Variants in ADTRP observed in about 807,000 individuals in gnomAD.
ADTRP encodes the protein androgen dependent TFPI regulating protein, also known as androgen-dependent TFPI-regulating protein.
ADTRP carries 20 observed loss-of-function variants against 27.0 expected under a neutral mutation model. The observed-to-expected ratio is 0.74, with a 90% confidence interval of 0.52 to 1.08. The LOEUF (loss-of-function observed/expected upper bound fraction) is 1.08, where lower values mean the gene tolerates loss of function less well. Ranked by LOEUF, ADTRP falls within the 50% of genes least tolerant of loss-of-function variation. The pLI is 0.00. For synonymous variants in ADTRP, 101 were observed against 105.2 expected, an observed-to-expected ratio of 0.96 and a Z score of 0.25; for missense variants, 251 against 275.0, an observed-to-expected ratio of 0.91 and a Z score of 0.62.
At chr6:11,714,678 G>A (rs1042698138) in intron 5 of ADTRP, among the ~76,000 whole-genome samples, 166 bp from the exon 6 acceptor site, 3 of 152,128 alleles carry the variant, frequency 2.0e-5, no homozygotes, top group African/African-American at 2.4e-5. Flanking sequence ...CAGCTGCCAC[G>A]ATGACAGGGG....
Position 11,714,301 on chromosome 6 carries a change from C to G in ADTRP, c.*177G>C, listed in dbSNP as rs1761739213. On this transcript the variant is annotated 3_prime_UTR_variant, in exon 6 of 6. Transcript: ENST00000414691. ...ATGTGCAGTCAACCTTTCAAAAAAC[C>G]AAGAGTTCTCAAGTTAAGCTACCTT... 1 of 669,930 alleles carries G rather than the reference C, an allele frequency of 1.5e-6. No individual in the cohort carries two copies. The highest frequency in any genetic ancestry group is 2.5e-6 in the Non-Finnish European group (1 of 404,730). 41.5% of individuals were successfully genotyped at this position (669,930 alleles called of 1,614,324 possible). A position where few individuals can be genotyped will look rare whatever the true frequency, so the allele number is the denominator to read the frequency against.
chr6:11,717,101 C>T (rs1013260785), intron 5 of ADTRP: 26 of 483,612 alleles, frequency 5.4e-5, no homozygotes, highest in African/African-American at 5.1e-4. Flanking sequence ...ATATCTTACC[C>T]AAACCAAATT....
Position 11,759,862 on chromosome 6 carries a change from C to A in ADTRP, c.390+6412G>T, listed in dbSNP as rs75013316. ...GGAGGTGGGAATGGCAGAGGCAGAA[C>A]AAAAGGTGATGTGAAGATGGTGGAA... On this transcript the variant is annotated intron_variant, in intron 3 of 5. Coordinates refer to ENST00000414691, the MANE Select transcript of ADTRP (RefSeq NM_032744.4). Among the ~76,000 whole-genome samples, 297 of 152,146 alleles carry A rather than the reference C, an allele frequency of 2.0e-3. 2 individuals carry two copies. The East Asian group carries it at 0.036, about 18-fold the overall frequency.
chr6:11,754,864 A>T (rs769932968), intron 3 of ADTRP, among the ~76,000 whole-genome samples: 3 of 152,198 alleles, frequency 2.0e-5, no homozygotes. Context: ...GAGGAGTGTC[A>T]GTACTAACCT....
chr6:11,735,755 TC>T (rs1415803907), intron 3 of ADTRP, 72 bp from the exon 4 acceptor site: 2 of 1,015,496 alleles, frequency 2.0e-6, no homozygotes, highest in Non-Finnish European at 1.5e-6. Flanking sequence ...AATTCTCTGT[TC>T]CCCTTCCAGT....
intron 4 of ADTRP, among the ~76,000 whole-genome samples, chr6:11,725,899 C>CAAAAAAAAAAAAAAAAAA (rs59048593): frequency 1.1e-5 from 1 of 89,934 alleles, no homozygotes; most frequent in African/African-American, 4.2e-5. Context: ...GACTCTATCT[C>CAAAAAAAAAAAAAAAAAA]AAAAAAAAAA....
At chr6:11,757,213 G>T (rs1321117841) in intron 3 of ADTRP, among the ~76,000 whole-genome samples, 2 of 152,068 alleles carry the variant, frequency 1.3e-5, no homozygotes, top group Non-Finnish European at 2.9e-5. Context: ...TTTGATTTTT[G>T]ATTTTTTTTA....
intron 3 of ADTRP, among the ~76,000 whole-genome samples, chr6:11,760,024 A>G (rs1199683428): frequency 6.6e-6 from 1 of 152,228 alleles, no homozygotes; most frequent in African/African-American, 2.4e-5. Flanking sequence ...CTCTGCTGGT[A>G]CATGGATTTC....
intron 5 of ADTRP, among the ~76,000 whole-genome samples, chr6:11,717,990 C>T (rs546107420): frequency 3.2e-4 from 48 of 152,310 alleles, no homozygotes; most frequent in Non-Finnish European, 6.0e-4. Flanking sequence ...TCATCTAATT[C>T]CTTCATGAAT....
At chr6:11,723,189 C>G (rs1762073809) in intron 5 of ADTRP, among the ~76,000 whole-genome samples, 160 bp downstream of exon 5, 1 of 150,452 alleles carries the variant, frequency 6.6e-6, no homozygotes, top group African/African-American at 2.5e-5. Flanking sequence ...GTCCTCTTGC[C>G]TTGGCAGGAC....
rs55815652 is a variant in ADTRP at position 11,715,648 on chromosome 6, C to CT, written c.659-1137dup. On this transcript the variant is annotated intron_variant, in intron 5 of 5. Transcript: ENST00000414691. ...CTACTTCTTTCTCTTCTGTTTTTCC[C>CT]TTTTTTTTTTTTTTTTTTTTTTGAG... Among the ~76,000 whole-genome samples, 467 of 121,096 alleles carry CT rather than the reference C, an allele frequency of 3.9e-3. 3 individuals carry two copies. Among genetic ancestry groups the CT allele is most frequent in the Middle Eastern group, 7.9e-3 (2 of 254 alleles). The allele number at this position is 121,096 out of a possible 152,430, so 79.4% of individuals were successfully genotyped here.
intron 3 of ADTRP, among the ~76,000 whole-genome samples, chr6:11,746,713 T>C (rs902620719): frequency 1.3e-5 from 2 of 152,144 alleles, no homozygotes; most frequent in Non-Finnish European, 2.9e-5. Flanking sequence ...TGTGGAGTGG[T>C]ATTCAGGCAT....
intron 3 of ADTRP, among the ~76,000 whole-genome samples, chr6:11,755,331 T>A (rs1763181823): frequency 6.6e-6 from 1 of 152,216 alleles, no homozygotes; most frequent in Non-Finnish European, 1.5e-5. Context: ...AATGGAATTT[T>A]AAAAATATGC....
intron 4 of ADTRP, among the ~76,000 whole-genome samples, chr6:11,727,034 C>CT (rs1353655773): frequency 8.6e-5 from 13 of 151,880 alleles, no homozygotes; most frequent in Non-Finnish European, 1.5e-4. Context: ...AATTCTTTTT[C>CT]TTTTTTTAGA....
chr6:11,725,748 A>T (rs149423183), intron 4 of ADTRP, among the ~76,000 whole-genome samples: 1 of 151,936 alleles, frequency 6.6e-6, no homozygotes, highest in South Asian at 2.1e-4. Flanking sequence ...ATATACAAAA[A>T]ATTAGCCAGG....
intron 3 of ADTRP, among the ~76,000 whole-genome samples, chr6:11,761,067 T>G (rs1581359465): frequency 6.6e-6 from 1 of 152,352 alleles, no homozygotes; most frequent in East Asian, 1.9e-4. Flanking sequence ...TTTTTAGAGA[T>G]GCCAGTATTT....
chr6:11,764,926 A>G (rs1763511283), intron 3 of ADTRP, among the ~76,000 whole-genome samples: 1 of 148,946 alleles, frequency 6.7e-6, no homozygotes, highest in African/African-American at 2.5e-5. Flanking sequence ...AAGCAGGAAT[A>G]TTCACTACAT....
chr6:11,743,415 C>T (rs562050901), intron 3 of ADTRP, among the ~76,000 whole-genome samples: 1 of 152,154 alleles, frequency 6.6e-6, no homozygotes, highest in Non-Finnish European at 1.5e-5. Context: ...CTCTGCTCTC[C>T]CACCTGAAGA....
At chr6:11,737,783 A>G (rs1762595112) in intron 3 of ADTRP, among the ~76,000 whole-genome samples, 2 of 152,168 alleles carry the variant, frequency 1.3e-5, no homozygotes, top group South Asian at 4.1e-4. Context: ...CAGACAAGCT[A>G]CAGCTTTTAC....
Sources: allele counts gnomAD v4.1 joint callset (sites outside exome capture counted in the v4.1 genomes callset), GRCh38; gene constraint gnomAD v4.1.1; transcripts MANE v1.5; gene names NCBI Gene and HGNC (gene_info 2026-07-23, HGNC 2026-07-21).